SOX5: variants seen among roughly 807,000 people sequenced by gnomAD.
SOX5 encodes transcription factor SOX-5.
A neutral mutation model predicts 92.0 loss-of-function variants in SOX5; 9 were observed. The ratio of observed to expected loss-of-function variants is 0.10; its 90% CI spans 0.06 to 0.17. The LOEUF is 0.17. Among genes scored for constraint, SOX5 ranks in the 10% least tolerant of loss-of-function variants. The pLI, the probability that SOX5 is intolerant of heterozygous loss-of-function variation, is 1.00. For synonymous variants in SOX5, 344 were observed against 336.3 expected, an observed-to-expected ratio of 1.02 and a Z score of -0.25; for missense variants, 642 against 944.5, an observed-to-expected ratio of 0.68 and a Z score of 4.20.
chr12:24,511,784 C>T (rs535186891), intron 1 of SOX5, among the ~76,000 whole-genome samples: 3 of 151,964 alleles, frequency 2.0e-5, no homozygotes, highest in South Asian at 2.1e-4. Flanking sequence ...TTGTGAAACC[C>T]CGTCTCTACT....
At chr12:24,391,061 C>T (rs752579246) in intron 1 of SOX5, among the ~76,000 whole-genome samples, 1 of 152,074 alleles carries the variant, frequency 6.6e-6, no homozygotes, top group African/African-American at 2.4e-5. Flanking sequence ...AGTGTTCTCT[C>T]TTCTTCCCAT....
At chr12:23,928,288 C>T (rs76773388) in intron 1 of SOX5, among the ~76,000 whole-genome samples, 3,776 of 152,062 alleles carry the variant, frequency 0.025, 165 homozygotes, top group African/African-American at 0.087. Flanking sequence ...GCAGAGGGCC[C>T]TTTTGAAGCA....
At chr12:23,807,605 C>A (rs942123231) in intron 3 of SOX5, among the ~76,000 whole-genome samples, 3 of 151,430 alleles carry the variant, frequency 2.0e-5, no homozygotes, top group African/African-American at 7.3e-5. Context: ...TGACTTCAGA[C>A]TTCTAGACTC....
At chr12:23,881,884 T>C (rs79081681) in intron 2 of SOX5, among the ~76,000 whole-genome samples, 2,746 of 151,268 alleles carry the variant, frequency 0.018, 85 homozygotes, top group African/African-American at 0.063. Flanking sequence ...GGGGGAAACA[T>C]GTGTCTATCT....
intron 1 of SOX5, among the ~76,000 whole-genome samples, chr12:24,368,794 A>T (rs1956419958): frequency 1.3e-5 from 2 of 152,254 alleles, no homozygotes; most frequent in South Asian, 4.1e-4. Flanking sequence ...AGCACTGCAC[A>T]TTCTTATAAA....
intron 3 of SOX5, among the ~76,000 whole-genome samples, chr12:23,803,530 T>C (rs2095703044): frequency 6.6e-6 from 1 of 152,228 alleles, no homozygotes; most frequent in Non-Finnish European, 1.5e-5. Flanking sequence ...GATAGCCTAC[T>C]AATGAATTGC....
At chr12:23,763,106 T>C (rs902272544) in intron 3 of SOX5, among the ~76,000 whole-genome samples, 5 of 152,340 alleles carry the variant, frequency 3.3e-5, no homozygotes, top group Non-Finnish European at 7.3e-5. Context: ...GATAATATAA[T>C]GTCACATATA....
intron 4 of SOX5, among the ~76,000 whole-genome samples, chr12:24,112,106 G>A (rs531293695): frequency 5.3e-5 from 8 of 152,236 alleles, no homozygotes; most frequent in African/African-American, 1.4e-4. Flanking sequence ...CCATGGCTTC[G>A]CTATCAAAGT....
chr12:23,684,310 C>A (rs1285670769), intron 6 of SOX5, among the ~76,000 whole-genome samples: 1 of 152,034 alleles, frequency 6.6e-6, no homozygotes, highest in Non-Finnish European at 1.5e-5. Flanking sequence ...TTTAATTCAG[C>A]ATTTTGTTCT....
At chr12:24,516,380 G>A (rs1166287443) in intron 1 of SOX5, among the ~76,000 whole-genome samples, 2 of 152,070 alleles carry the variant, frequency 1.3e-5, no homozygotes, top group Admixed American at 1.3e-4. Flanking sequence ...ACAGCCCTGT[G>A]TTATCACAGT....
At chr12:23,842,421 T>C (rs187337264) in intron 3 of SOX5, among the ~76,000 whole-genome samples, 9 of 152,240 alleles carry the variant, frequency 5.9e-5, no homozygotes, top group Non-Finnish European at 8.8e-5. Context: ...TATTTATAGA[T>C]ATATACATAT....
chr12:24,467,695 T>C (rs890393231), intron 1 of SOX5, among the ~76,000 whole-genome samples: 1 of 152,130 alleles, frequency 6.6e-6, no homozygotes, highest in African/African-American at 2.4e-5. Context: ...CACTGAACAA[T>C]TTTAATTGGA....
intron 6 of SOX5, among the ~76,000 whole-genome samples, chr12:23,686,379 G>T (rs544753696): frequency 6.6e-6 from 1 of 152,142 alleles, no homozygotes; most frequent in Non-Finnish European, 1.5e-5. Flanking sequence ...AAAAATATCA[G>T]CTTAAGAAGG....
At chr12:24,149,395 A>G (rs1037248923) in intron 4 of SOX5, among the ~76,000 whole-genome samples, 1 of 152,204 alleles carries the variant, frequency 6.6e-6, no homozygotes, top group Non-Finnish European at 1.5e-5. Context: ...TGGGCATGAG[A>G]TTTGTACAGA....
rs1946538811 is a variant in SOX5 at position 23,563,352 on chromosome 12, T to C, written c.1394A>G (p.Gln465Arg). 1 of 1,614,094 alleles carries C rather than the reference T, an allele frequency of 6.2e-7. No homozygotes were observed. Among genetic ancestry groups the C allele is most frequent in the African/African-American group, 1.3e-5 (1 of 75,052 alleles). ...AVTKAIQEAR[Q>R]MKEQLRREQQ... ...TTCCCGTCGGAGTTGCTCCTTCATTTGCCGAGCTTCTTGGATTGCCTTGGT... is the reference window on the plus strand; with the variant it reads ...TTCCCGTCGGAGTTGCTCCTTCATTCGCCGAGCTTCTTGGATTGCCTTGGT... Residue 465 changes from glutamine (Q) to arginine (R), a missense_variant, in exon 11 of 15, where the codon CAA becomes CGA. By Grantham distance (43) the Gln-to-Arg change is conservative. This residue lies in a region of SOX5 where 324 missense variants were observed against 461.6 expected (regional missense o/e 0.70). Transcript: ENST00000451604.
chr12:23,934,929 G>A (rs1394172422), intron 1 of SOX5, among the ~76,000 whole-genome samples: 1 of 151,234 alleles, frequency 6.6e-6, no homozygotes, highest in Non-Finnish European at 1.5e-5. Flanking sequence ...TGACTCCAAA[G>A]TACTCTTGGA....
At chr12:24,142,442 T>C (rs529915278) in intron 4 of SOX5, among the ~76,000 whole-genome samples, 1 of 152,146 alleles carries the variant, frequency 6.6e-6, no homozygotes, top group South Asian at 2.1e-4. Flanking sequence ...GTATTGATGG[T>C]TGTGTATAGA....
chr12:24,357,853 AAG>A (rs1555250151), intron 2 of SOX5, among the ~76,000 whole-genome samples: 4 of 148,482 alleles, frequency 2.7e-5, no homozygotes, highest in East Asian at 2.0e-4. Context: ...AAAAAAAAAA[AAG>A]AAAGAAGAAA....
At position 23,809,760 on chromosome 12, in the gene SOX5, CTTTTTTTTTTT is replaced by C. The variant is rs34337302; in HGVS notation, c.481+36212_481+36222del. Among the ~76,000 whole-genome samples the C allele has an allele frequency of 3.0e-3, 405 of 133,328 alleles. 6 individuals carry two copies. Among genetic ancestry groups the C allele is most frequent in the Admixed American group, 0.027 (356 of 13,236 alleles). The allele number at this position is 133,328 out of a possible 152,430, so 87.5% of individuals were successfully genotyped here. A position where few individuals can be genotyped will look rare whatever the true frequency, so the allele number is the denominator to read the frequency against. On this transcript the variant is annotated intron_variant, in intron 3 of 14. Coordinates refer to ENST00000451604, the MANE Select transcript of SOX5 (RefSeq NM_006940.6). ...GGTTACATCAGTGACAAATGAAAGT[CTTTTTTTTTTT>C]TTTTTTTTGAAAGATTTGACATTAC...
Sources: allele counts gnomAD v4.1 joint callset (sites outside exome capture counted in the v4.1 genomes callset), GRCh38; gene constraint gnomAD v4.1.1; regional missense constraint gnomAD v4.1.1; transcripts MANE v1.5; gene names NCBI Gene and HGNC (gene_info 2026-07-23, HGNC 2026-07-21).